MROH2A: variants seen among roughly 807,000 people sequenced by gnomAD.
MROH2A encodes the protein maestro heat like repeat family member 2A, also known as maestro heat-like repeat-containing protein family member 2A.
MROH2A carries 174 observed loss-of-function variants against 200.4 expected under a neutral mutation model. The observed-to-expected ratio is 0.87, with a 90% CI of 0.77 to 0.98. The LOEUF (loss-of-function observed/expected upper bound fraction) is 0.98, where lower values mean the gene tolerates loss of function less well. Among genes scored for constraint, MROH2A ranks in the 50% least tolerant of loss-of-function variants. The pLI is 0.00. For missense variants in MROH2A, 2,045 were observed against 2,139.6 expected (o/e 0.96, Z 0.87); for synonymous variants, 829 against 840.4 (o/e 0.99, Z 0.23).
rs371940480 is a variant in MROH2A, at chr2:233,790,674, C to CCCTT, written c.571+686_571+689dup. On this transcript the variant is annotated intron_variant, in intron 5 of 41. Coordinates refer to ENST00000389758, the MANE Select transcript of MROH2A (RefSeq NM_001394639.1). ...CCTCCCCTCCCCTCCCTCCCTCCCT[C>CCCTT]CCTTCCTTCCTTCCTTCCTTCCTTC... 3.3e-3 allele frequency among the ~76,000 whole-genome samples: 41 copies of CCCTT among 12,316 alleles called. 3 individuals are homozygous for CCCTT. Among genetic ancestry groups the CCCTT allele is most frequent in the African/African-American group, 8.8e-3 (7 of 796 alleles). 8.1% of individuals were successfully genotyped at this position (12,316 alleles called of 152,430 possible). A position where few individuals can be genotyped will look rare whatever the true frequency, so the allele number is the denominator to read the frequency against.
intron 3 of MROH2A, 59 bp downstream of exon 3, chr2:233,779,911 C>A (rs1700864294): frequency 1.5e-6 from 2 of 1,334,916 alleles, no homozygotes; most frequent in Non-Finnish European, 2.1e-6. Context: ...ATCCATCCAC[C>A]ACCCAGCACA....
At chr2:233,810,747 G>A (rs752085588) in intron 22 of MROH2A, 47 bp from the exon 23 acceptor site, 5 of 1,544,260 alleles carry the variant, frequency 3.2e-6, no homozygotes, top group African/African-American at 1.4e-5. Context: ...ATTCTTCTGG[G>A]GCTGCTCACA....
At chr2:233,813,086 A>C (rs1354482690) in intron 24 of MROH2A, among the ~76,000 whole-genome samples, 1 of 152,198 alleles carries the variant, frequency 6.6e-6, no homozygotes, top group Non-Finnish European at 1.5e-5. Flanking sequence ...TTTAATATGC[A>C]TCAAGCTTGA....
Position 233,819,320 on chromosome 2 carries a change from G to A in MROH2A, c.3208G>A (p.Val1070Ile). 1.3e-6 allele frequency: 2 copies of A among 1,550,122 alleles called. No homozygotes were observed. The highest frequency in any genetic ancestry group is 1.7e-6 in the Non-Finnish European group (2 of 1,146,646). ...GAGTCACCCGCTCTGCTCCTAGGTG[G>A]TCTGCATGGAGTTTAGCTGCGATGA... ...FCASSRIAKV[V>I]CMEFSCDEVV... Residue 1070 changes from valine to isoleucine, a missense_variant, in exon 30 of 42, where the codon GTC (valine) becomes ATC (isoleucine). This residue lies in a region of MROH2A where 1,201 missense variants were observed against 1,311.3 expected (regional missense o/e 0.92). Transcript: ENST00000389758.
In MROH2A at chr2:233,829,713, G is replaced by T; in HGVS notation, c.4540G>T (p.Val1514Leu). Residue 1514 changes from valine to leucine, a missense_variant, in exon 38 of 42, where the codon GTG becomes TTG. By Grantham distance (32) the Val-to-Leu change is conservative. This residue lies in a region of MROH2A where 1,201 missense variants were observed against 1,311.3 expected (regional missense o/e 0.92). Transcript: ENST00000389758. Reference protein sequence around the residue: ...MSKKHFFKGEVKKAWIPLMLH... With the variant: ...MSKKHFFKGELKKAWIPLMLH... ...CAAGAAGCATTTCTTCAAAGGGGAG[G>T]TGAAGAAGGCCTGGATCCCCCTCAT... 6.7e-7 allele frequency: 1 copy of T among 1,493,188 alleles called. No individual in the cohort carries two copies. Among genetic ancestry groups the T allele is most frequent in the Non-Finnish European group, 8.9e-7 (1 of 1,118,494 alleles). 92.5% of individuals were successfully genotyped at this position (1,493,188 alleles called of 1,614,324 possible).
At chr2:233,800,657 G>A (rs970247158) in intron 14 of MROH2A, among the ~76,000 whole-genome samples, 2 of 142,254 alleles carry the variant, frequency 1.4e-5, no homozygotes, top group African/African-American at 2.6e-5. Flanking sequence ...GTGTGTGTGT[G>A]TCTGTGTGTA....
chr2:233,819,997 GCAC>G lies in MROH2A; in HGVS notation c.3462_3464del (p.His1154del). 1.3e-6 allele frequency: 2 copies of G among 1,546,232 alleles called. No individual in the cohort carries two copies. Among genetic ancestry groups the G allele is most frequent in the South Asian group, 1.2e-5 (1 of 83,786 alleles). On this transcript the variant is annotated inframe_deletion, in exon 31 of 42. Transcript: ENST00000389758. Reference sequence around the variant, plus strand: ...TCATTGACGGCATCCTGCTGCTGGCGCACCACCACCAGGAGACCATCCTCACAT... The same window carrying G: ...TCATTGACGGCATCCTGCTGCTGGCGCACCACCAGGAGACCATCCTCACAT...
rs1183570611 is a variant in MROH2A, at chr2:233,829,747, C to A, written c.4574C>A (p.Ser1525Tyr). ...GCCTGGATCCCCCTCATGCTGCACT[C>A]CCAGGACCCCTGCTCCAATGCAGCC... ...KKAWIPLMLHSQDPCSNAAQA... is the reference protein window; with the variant it reads ...KKAWIPLMLHYQDPCSNAAQA... The change falls in exon 38 of 42, where the codon TCC becomes TAC. Residue 1525 changes from serine to tyrosine, a missense_variant. By Grantham distance (144) the Ser-to-Tyr change is moderately radical. Around this residue, in one of 3 missense-constraint regions of MROH2A, gnomAD observed 1,201 missense variants for 1,311.3 expected, o/e 0.92. Transcript: ENST00000389758. 1.4e-6 allele frequency: 2 copies of A among 1,434,414 alleles called. No individual in the cohort carries two copies. The highest frequency in any genetic ancestry group is 1.8e-6 in the Non-Finnish European group (2 of 1,089,668). The allele number at this position is 1,434,414 out of a possible 1,614,324, so 88.9% of individuals were successfully genotyped here. A position where few individuals can be genotyped will look rare whatever the true frequency, so the allele number is the denominator to read the frequency against.
chr2:233,823,579 G>T lies in MROH2A; in HGVS notation c.4028G>T (p.Gly1343Val). 1 of 1,550,276 alleles carries T rather than the reference G, an allele frequency of 6.5e-7. No individual in the cohort carries two copies. Among genetic ancestry groups the T allele is most frequent in the Non-Finnish European group, 8.7e-7 (1 of 1,146,968 alleles). ...AGGCTGTGCATGCAGCACGTGGAGG[G>T]CCACAGGCAGAGGCTGGCCGAGCTG... Reference protein sequence around the residue: ...LARLCMQHVEGHRQRLAELVL... With the variant: ...LARLCMQHVEVHRQRLAELVL... Residue 1343 changes from glycine to valine, a missense_variant, in exon 35 of 42, where the codon GGC (glycine) becomes GTC (valine). This residue lies in a region of MROH2A where 1,201 missense variants were observed against 1,311.3 expected (regional missense o/e 0.92). Coordinates refer to ENST00000389758, the MANE Select transcript of MROH2A (RefSeq NM_001394639.1).
intron 14 of MROH2A, among the ~76,000 whole-genome samples, chr2:233,800,962 A>AATCATC (rs966099553): frequency 1.3e-5 from 2 of 151,950 alleles, no homozygotes; most frequent in Non-Finnish European, 2.9e-5. Context: ...AAATAATAAT[A>AATCATC]ATCATCATCA....
chr2:233,833,294 G>A lies in MROH2A; in HGVS notation c.*35G>A. The A allele has an allele frequency of 1.4e-6, 2 of 1,480,892 alleles. No individual in the cohort carries two copies. Among genetic ancestry groups the A allele is most frequent in the Non-Finnish European group, 1.8e-6 (2 of 1,116,082 alleles). 91.7% of individuals were successfully genotyped at this position (1,480,892 alleles called of 1,614,324 possible). A position where few individuals can be genotyped will look rare whatever the true frequency, so the allele number is the denominator to read the frequency against. ...ACATAAGACGTAAACTGTCTTCTTAGTGCCAAATGCAAGCCCTTTTTAATT... is the reference window on the plus strand; with the variant it reads ...ACATAAGACGTAAACTGTCTTCTTAATGCCAAATGCAAGCCCTTTTTAATT... On this transcript the variant is annotated 3_prime_UTR_variant, in exon 42 of 42. Transcript: ENST00000389758.
chr2:233,780,579 C>T (rs183568716), intron 3 of MROH2A, among the ~76,000 whole-genome samples: 11 of 152,202 alleles, frequency 7.2e-5, no homozygotes, highest in East Asian at 1.9e-4. Context: ...TTTGCATTTG[C>T]GTTTTCCCCC....
rs1703850694 is a variant in MROH2A at position 233,820,286 on chromosome 2, G to A, written c.3512+230G>A. On this transcript the variant is annotated intron_variant, in intron 31 of 41. Coordinates refer to ENST00000389758, the MANE Select transcript of MROH2A (RefSeq NM_001394639.1). This position sits in a 1 kb window ranked among gnomAD's most constrained non-coding sequence, Gnocchi z 4.1. ...CCACATGGAGCTGGAATCTGGACCC[G>A]TAGCTCCCCACATGCCCGGGACAGT... Among the ~76,000 whole-genome samples the A allele has an allele frequency of 6.6e-6, 1 of 152,144 alleles. No individual in the cohort carries two copies. The highest frequency in any genetic ancestry group is 1.5e-5 in the Non-Finnish European group (1 of 68,014).
intron 3 of MROH2A, among the ~76,000 whole-genome samples, chr2:233,788,121 TAC>T (rs1362507559): frequency 5.4e-5 from 6 of 110,440 alleles, no homozygotes; most frequent in Non-Finnish European, 8.5e-5. Flanking sequence ...ATATTATATA[TAC>T]ATATATATTT....
chr2:233,790,388 C>A (rs1012939649), intron 5 of MROH2A, among the ~76,000 whole-genome samples: 6 of 142,066 alleles, frequency 4.2e-5, no homozygotes, highest in Admixed American at 7.1e-5. Flanking sequence ...CCCTCCCTTC[C>A]TCCCTTCCTC....
At chr2:233,787,492 T>TATAC (rs1701272389) in intron 3 of MROH2A, among the ~76,000 whole-genome samples, 2 of 127,630 alleles carry the variant, frequency 1.6e-5, no homozygotes, top group African/African-American at 6.0e-5. Flanking sequence ...ATAATATATA[T>TATAC]ACATATACAT....
At chr2:233,813,068 G>A (rs551677378) in intron 24 of MROH2A, among the ~76,000 whole-genome samples, 13 of 152,266 alleles carry the variant, frequency 8.5e-5, no homozygotes, top group Non-Finnish European at 8.8e-5. Context: ...AAAAATCCTC[G>A]AGGTATCTTT....
At chr2:233,792,514 C>A (rs147948274) in intron 5 of MROH2A, among the ~76,000 whole-genome samples, 1 of 152,032 alleles carries the variant, frequency 6.6e-6, no homozygotes, top group African/African-American at 2.4e-5. Context: ...GGGTTTCAAC[C>A]GTGTTAGCCA....
intron 24 of MROH2A, 147 bp from the exon 25 acceptor site, chr2:233,813,523 G>A: frequency 1.7e-6 from 1 of 599,294 alleles, no homozygotes; most frequent in South Asian, 2.0e-5. Flanking sequence ...CAGGGCCCCT[G>A]GGGAGGGATG....
Sources: allele counts gnomAD v4.1 joint callset (sites outside exome capture counted in the v4.1 genomes callset), GRCh38; gene constraint gnomAD v4.1.1; regional missense constraint gnomAD v4.1.1; non-coding constraint Gnocchi (gnomAD v3.1); transcripts MANE v1.5; gene names NCBI Gene and HGNC (gene_info 2026-07-23, HGNC 2026-07-21).